The following SDK2 variants were observed in gnomAD, a reference collection of about 807,000 sequenced individuals.
SDK2 encodes the protein protein sidekick-2.
SDK2 carries 105 observed loss-of-function variants against 253.9 expected under a neutral mutation model. The observed-to-expected ratio is 0.41, with a 90% CI of 0.35 to 0.49. The LOEUF (loss-of-function observed/expected upper bound fraction) is 0.49, where lower values mean the gene tolerates loss of function less well. Ranked by LOEUF, SDK2 falls within the 20% of genes least tolerant of loss-of-function variation. The probability of loss-of-function intolerance (pLI) is 0.06; values close to 1 mark genes in which losing one functional copy is unlikely to be tolerated. For synonymous variants in SDK2, 1,249 were observed against 1,234.9 expected (o/e 1.01, Z -0.24); for missense variants, 2,608 against 3,003.0 (o/e 0.87, Z 3.07).
chr17:73,571,541 C>CG (rs2045386466), intron 1 of SDK2, among the ~76,000 whole-genome samples: 3 of 152,182 alleles, frequency 2.0e-5, no homozygotes, highest in Non-Finnish European at 4.4e-5. Context: ...GGTGGCCCCC[C>CG]GGGCGCTCTA....
At position 73,395,251 on chromosome 17, in the gene SDK2, C is replaced by G. The variant is rs1282759519; in HGVS notation, c.3496G>C (p.Glu1166Gln). The G allele has an allele frequency of 6.2e-7, 1 of 1,613,824 alleles. No individual in the cohort carries two copies. The highest frequency in any genetic ancestry group is 8.5e-7 in the Non-Finnish European group (1 of 1,179,858). The change falls in exon 25 of 45, where the codon GAG becomes CAG. Residue 1166 changes from glutamate (E) to glutamine (Q), a missense_variant. Physicochemically the swap from Glu to Gln is conservative, Grantham distance 29 (BLOSUM62 2). Around this residue, in one of 2 missense-constraint regions of SDK2, gnomAD observed 1,505 missense variants for 1,859.1 expected, o/e 0.81. Coordinates refer to ENST00000392650, the MANE Select transcript of SDK2 (RefSeq NM_001144952.2). This position sits in a 1 kb window ranked among gnomAD's most constrained non-coding sequence, Gnocchi z 4.3. ...VERDYTIEDL[E>Q]EWTEYRVQVQ... ...TGGACGCGGTACTCTGTCCACTCCT[C>G]CAGGTCCTCGATGGTGTAGTCCCGC...
rs9892561 is a variant in SDK2, at chr17:73,443,419, T to A, written c.614-2496A>T. On this transcript the variant is annotated intron_variant, in intron 5 of 44. Coordinates refer to ENST00000392650, the MANE Select transcript of SDK2 (RefSeq NM_001144952.2). This position sits in a 1 kb window ranked among gnomAD's most constrained non-coding sequence, Gnocchi z 4.6. ...TAAAAGTGTGCTCTAAGTTGTTTAT[T>A]ACATGCGGGGGCGCGCAGGTACCAC... Among the ~76,000 whole-genome samples, 3,647 of 152,240 alleles carry A rather than the reference T, an allele frequency of 0.024. 148 individuals carry two copies. The highest frequency in any genetic ancestry group is 0.083 in the African/African-American group (3,433 of 41,536).
chr17:73,358,134 G>A lies in SDK2; in HGVS notation c.5538C>T (p.Ser1846=), dbSNP rs144308459. Residue 1846 remains serine, a synonymous_variant, in exon 40 of 45, where the codon AGC becomes AGT. Transcript: ENST00000392650. ...TGATGGGCCCTTTGCCCGGGTCTCC[G>A]CTGGACCAGTGAATGGCGATGGCAG... is the stretch of plus-strand genomic sequence containing the variant. ...YSSAIAIHWS[S]GDPGKGPITR... The A allele has an allele frequency of 1.5e-4, 243 of 1,613,292 alleles. No homozygotes were observed. In the South Asian group the frequency reaches 2.1e-3, roughly 14 times the overall value.
chr17:73,456,825 G>A (rs578130608), intron 3 of SDK2, among the ~76,000 whole-genome samples: 19 of 152,362 alleles, frequency 1.2e-4, no homozygotes, highest in East Asian at 9.7e-4. Flanking sequence ...GGACAAGGGG[G>A]TAGGGAGACT....
chr17:73,412,114 A>G (rs1345292627), intron 18 of SDK2, among the ~76,000 whole-genome samples: 1,065 of 102,586 alleles, frequency 0.01, 39 homozygotes, highest in South Asian at 0.047. Flanking sequence ...ATACGTATAT[A>G]TGTATACGTA....
chr17:73,518,841 C>G (rs971522782), intron 1 of SDK2: 2 of 152,240 alleles, frequency 1.3e-5, no homozygotes, highest in Non-Finnish European at 2.9e-5. Flanking sequence ...CAAGGCAGGA[C>G]AGCATGCTTG....
In SDK2 at chr17:73,395,102, A is replaced by T. The variant is rs1378222829; in HGVS notation, c.3592+53T>A. The T allele has an allele frequency of 7.0e-7, 1 of 1,434,570 alleles. No homozygotes were observed. The highest frequency in any genetic ancestry group is 2.0e-5 in the Admixed American group (1 of 50,384). 88.9% of individuals were successfully genotyped at this position (1,434,570 alleles called of 1,614,324 possible). A position where few individuals can be genotyped will look rare whatever the true frequency, so the allele number is the denominator to read the frequency against. The stretch of plus-strand genomic sequence containing the variant: ...CGCGCTTGGATGACCCTGAGGGCAT[A>T]GAGACCAAGGAGGGGACAGGCAGCA... On this transcript the variant is annotated intron_variant, in intron 25 of 44. Transcript: ENST00000392650. The surrounding 1 kb of genome is among the most constrained non-coding windows in gnomAD (Gnocchi z 4.3).
intron 18 of SDK2, among the ~76,000 whole-genome samples, chr17:73,403,804 A>G (rs1246172880): frequency 1.3e-5 from 2 of 152,242 alleles, no homozygotes; most frequent in Non-Finnish European, 2.9e-5. Flanking sequence ...GTGGCATTTA[A>G]TAAGTGTGTT....
chr17:73,608,767 C>T (rs1175370437), intron 1 of SDK2, among the ~76,000 whole-genome samples: 1 of 152,020 alleles, frequency 6.6e-6, no homozygotes, highest in African/African-American at 2.4e-5. Context: ...TTGTATGGTA[C>T]TCTCAGGAAG....
At chr17:73,546,076 G>A (rs2044959066) in intron 1 of SDK2, among the ~76,000 whole-genome samples, 1 of 151,854 alleles carries the variant, frequency 6.6e-6, no homozygotes, top group African/African-American at 2.4e-5. Context: ...GGCTTTTCAG[G>A]AAAGTGTTGG....
chr17:73,539,371 T>C (rs1399510709), intron 1 of SDK2, among the ~76,000 whole-genome samples: 2 of 151,758 alleles, frequency 1.3e-5, no homozygotes, highest in Non-Finnish European at 2.9e-5. Context: ...CGGGGCAGGG[T>C]CAGCGGGAAG....
chr17:73,389,186 T>TC, intron 29 of SDK2, among the ~76,000 whole-genome samples: 1 of 52,770 alleles, frequency 1.9e-5, no homozygotes, highest in Non-Finnish European at 3.3e-5. Flanking sequence ...TTCCTTTCTT[T>TC]TTTTTTTTTT....
intron 1 of SDK2, among the ~76,000 whole-genome samples, chr17:73,587,511 G>A (rs2045618515): frequency 6.6e-6 from 1 of 152,206 alleles, no homozygotes; most frequent in African/African-American, 2.4e-5. Flanking sequence ...AGGGTGGCTC[G>A]GGCCATCTCT....
At position 73,382,066 on chromosome 17, in the gene SDK2, A is replaced by T. The variant is rs61499975; in HGVS notation, c.4706-1116T>A. Among the ~76,000 whole-genome samples, 160 of 152,212 alleles carry T rather than the reference A, an allele frequency of 1.1e-3. 1 individual carries two copies. Among genetic ancestry groups the T allele is most frequent in the African/African-American group, 3.8e-3 (156 of 41,512 alleles). On this transcript the variant is annotated intron_variant, in intron 33 of 44. Coordinates refer to ENST00000392650, the MANE Select transcript of SDK2 (RefSeq NM_001144952.2). ...CCCGTTTCTACTAAAATTACAAAAA[A>T]TTAGCTGGGCGTGGTAGTGTGCGCC...
intron 2 of SDK2, among the ~76,000 whole-genome samples, chr17:73,476,661 A>G (rs1164308112): frequency 1.3e-5 from 2 of 152,146 alleles, no homozygotes; most frequent in African/African-American, 4.8e-5. Flanking sequence ...TTTGTCACCC[A>G]GGCTGGAGGG....
chr17:73,634,167 C>G (rs937873786), intron 1 of SDK2, among the ~76,000 whole-genome samples: 4 of 152,142 alleles, frequency 2.6e-5, no homozygotes, highest in Admixed American at 6.5e-5. Flanking sequence ...GCCCAGGGTG[C>G]CCCCTGTGTC....
rs2062549744 is a variant in SDK2 at position 73,352,661 on chromosome 17, C to A, written c.5594-24G>T. On this transcript the variant is annotated intron_variant, in intron 40 of 44. Transcript: ENST00000392650. This position sits in a 1 kb window ranked among gnomAD's most constrained non-coding sequence, Gnocchi z 4.1. ...GTCTGCAGGAGCACAGAGATGGAGG[C>A]CCTGGGAGGTGAGGGGAAGCCCCAA... 3 of 1,610,778 alleles carry A rather than the reference C, an allele frequency of 1.9e-6. No homozygotes were observed. Among genetic ancestry groups the A allele is most frequent in the South Asian group, 2.2e-5 (2 of 90,982 alleles).
chr17:73,391,575 G>T, intron 27 of SDK2, 37 bp from the exon 28 acceptor site: 1 of 1,164,662 alleles, frequency 8.6e-7, no homozygotes, highest in Non-Finnish European at 1.1e-6. Context: ...GACCCATGAG[G>T]CTGCCGCTCA....
intron 40 of SDK2, among the ~76,000 whole-genome samples, chr17:73,355,174 A>ATATATATATATATATATATTTTTTTTT: frequency 6.4e-5 from 3 of 47,240 alleles, no homozygotes; most frequent in African/African-American, 4.9e-4. Context: ...ATATATATAT[A>ATATATATATATATATATATTTTTTTTT]TTTTTTTTTT....
Sources: allele counts gnomAD v4.1 joint callset (sites outside exome capture counted in the v4.1 genomes callset), GRCh38; gene constraint gnomAD v4.1.1; regional missense constraint gnomAD v4.1.1; non-coding constraint Gnocchi (gnomAD v3.1); transcripts MANE v1.5; gene names NCBI Gene and HGNC (gene_info 2026-07-23, HGNC 2026-07-21).